The following CCSER1 variants were observed in gnomAD, a reference collection of about 807,000 sequenced individuals.
CCSER1 encodes coiled-coil serine rich protein 1, also known as serine-rich coiled-coil domain-containing protein 1.
CCSER1 carries 41 observed loss-of-function variants against 82.0 expected under a neutral mutation model. That is an observed-to-expected ratio of 0.50 (90% CI 0.39 to 0.65). CCSER1 has a LOEUF of 0.65. Ranked by LOEUF, CCSER1 falls within the 30% of genes least tolerant of loss-of-function variation. CCSER1 has a pLI of 0.00. For synonymous variants in CCSER1, 414 were observed against 383.9 expected (o/e 1.08, Z -0.92); for missense variants, 1,119 against 1,064.2 (o/e 1.05, Z -0.72).
chr4:90,133,820 G>C (rs1723204261), intron 1 of CCSER1, among the ~76,000 whole-genome samples: 2 of 152,104 alleles, frequency 1.3e-5, no homozygotes. Flanking sequence ...GTTCAGTATT[G>C]CTTCATCAGT....
At chr4:91,158,485 T>C (rs1731043302) in intron 10 of CCSER1, among the ~76,000 whole-genome samples, 1 of 152,026 alleles carries the variant, frequency 6.6e-6, no homozygotes, top group South Asian at 2.1e-4. Context: ...TTTGCTCCAC[T>C]ATCATAAAAT....
chr4:90,660,647 T>A (rs1298999345), intron 6 of CCSER1, among the ~76,000 whole-genome samples: 2 of 140,804 alleles, frequency 1.4e-5, no homozygotes, highest in African/African-American at 2.6e-5. Context: ...ATGTTTTGAT[T>A]TAAATTTGCA....
At chr4:91,559,065 G>C (rs920406543) in intron 10 of CCSER1, among the ~76,000 whole-genome samples, 2 of 151,282 alleles carry the variant, frequency 1.3e-5, no homozygotes, top group African/African-American at 4.8e-5. Context: ...ACTACTATAA[G>C]TTTACCTTAC....
chr4:90,179,484 TCCTCCTGCCTCAGTCTCTA>T (rs1445297202), intron 1 of CCSER1, among the ~76,000 whole-genome samples: 1 of 152,172 alleles, frequency 6.6e-6, no homozygotes, highest in Non-Finnish European at 1.5e-5. Context: ...ACTCCTGGGA[TCCTCCTGCCTCAGTCTCTA>T]GAGTAGCTAT....
chr4:90,175,944 T>C (rs1189246410), intron 1 of CCSER1, among the ~76,000 whole-genome samples: 3 of 151,992 alleles, frequency 2.0e-5, no homozygotes, highest in Non-Finnish European at 4.4e-5. Context: ...AGTAAACATT[T>C]AGACAGGTTG....
chr4:90,717,739 T>A (rs79836857), intron 6 of CCSER1, among the ~76,000 whole-genome samples: 2 of 91,082 alleles, frequency 2.2e-5, no homozygotes, highest in African/African-American at 9.2e-5. Context: ...TATATATATA[T>A]ACACATATAT....
At chr4:90,913,602 T>C (rs1726791207) in intron 8 of CCSER1, among the ~76,000 whole-genome samples, 2 of 151,906 alleles carry the variant, frequency 1.3e-5, no homozygotes, top group Non-Finnish European at 2.9e-5. Flanking sequence ...AAAATAACCA[T>C]CTAACATCAT....
intron 10 of CCSER1, among the ~76,000 whole-genome samples, chr4:91,117,365 T>C (rs575306066): frequency 6.6e-6 from 1 of 152,320 alleles, no homozygotes; most frequent in South Asian, 2.1e-4. Flanking sequence ...AGCTGTTGAG[T>C]TGGCCTTAAG....
Position 90,839,036 on chromosome 4 carries a change from A to T in CCSER1, c.2094+23191A>T, listed in dbSNP as rs13151186. 3,358 of 1,612,322 alleles carry T rather than the reference A, an allele frequency of 2.1e-3. 74 individuals are homozygous for T. The African/African-American group carries it at 0.04, about 19-fold the overall frequency. On this transcript the variant is annotated intron_variant, in intron 8 of 10. Transcript: ENST00000509176. ...CTCAGCCATATCGGGTTTGTCAGAC[A>T]TGGTTGCGGAGGAAAAGCGGAGCGA... is the stretch of plus-strand genomic sequence containing the variant.
chr4:91,149,429 G>A (rs925393775), intron 10 of CCSER1, among the ~76,000 whole-genome samples: 1 of 152,150 alleles, frequency 6.6e-6, no homozygotes, highest in Non-Finnish European at 1.5e-5. Context: ...TCTGTAGGTT[G>A]CCTATTCACT....
At chr4:90,837,140 C>T in intron 8 of CCSER1, among the ~76,000 whole-genome samples, 1 of 152,156 alleles carries the variant, frequency 6.6e-6, no homozygotes, top group East Asian at 1.9e-4. Context: ...AGATGACTCA[C>T]ATTCAGTTAA....
At chr4:90,410,383 A>G (rs1754528456) in intron 4 of CCSER1, among the ~76,000 whole-genome samples, 1 of 152,222 alleles carries the variant, frequency 6.6e-6, no homozygotes, top group East Asian at 1.9e-4. Context: ...AGTTGGAAGT[A>G]AAGCACTCCT....
At chr4:90,757,915 T>C (rs1387103301) in intron 7 of CCSER1, among the ~76,000 whole-genome samples, 5 of 151,486 alleles carry the variant, frequency 3.3e-5, no homozygotes, top group African/African-American at 9.7e-5. Flanking sequence ...AGCTGTACAA[T>C]AGTCCTTGTT....
chr4:90,641,383 G>A (rs1726483407), intron 6 of CCSER1, among the ~76,000 whole-genome samples: 1 of 152,098 alleles, frequency 6.6e-6, no homozygotes, highest in Non-Finnish European at 1.5e-5. Flanking sequence ...GGTAGTGGGG[G>A]AAGGCATGTG....
intron 10 of CCSER1, among the ~76,000 whole-genome samples, chr4:91,496,763 ATTCAATAT>A (rs2110083534): frequency 1.3e-5 from 1 of 78,656 alleles, no homozygotes; most frequent in South Asian, 3.8e-4. Flanking sequence ...ATATATATAT[ATTCAATAT>A]ATATTGAATA....
At chr4:90,598,191 T>G (rs530522510) in intron 5 of CCSER1, among the ~76,000 whole-genome samples, 2 of 152,154 alleles carry the variant, frequency 1.3e-5, no homozygotes, top group Non-Finnish European at 2.9e-5. Context: ...GCTAGTTCTA[T>G]TTTTAATTTA....
At chr4:90,357,533 G>A (rs1385509709) in intron 3 of CCSER1, among the ~76,000 whole-genome samples, 1 of 151,914 alleles carries the variant, frequency 6.6e-6, no homozygotes, top group Admixed American at 6.6e-5. Flanking sequence ...AGATACTCTT[G>A]GGAAATGAGA....
At chr4:90,313,102 T>C in intron 3 of CCSER1, 55 bp downstream of exon 3, 4 of 1,323,520 alleles carry the variant, frequency 3.0e-6, no homozygotes, top group Non-Finnish European at 3.2e-6. Context: ...ATATCCGACA[T>C]GTTCATGTCT....
At chr4:91,373,434 A>C (rs1425285492) in intron 10 of CCSER1, among the ~76,000 whole-genome samples, 1 of 152,042 alleles carries the variant, frequency 6.6e-6, no homozygotes, top group East Asian at 1.9e-4. Flanking sequence ...CTCTTTCATT[A>C]TTATTATATC....
Sources: allele counts gnomAD v4.1 joint callset (sites outside exome capture counted in the v4.1 genomes callset), GRCh38; gene constraint gnomAD v4.1.1; transcripts MANE v1.5; gene names NCBI Gene and HGNC (gene_info 2026-07-23, HGNC 2026-07-21).